The following NEMP2 variants were observed in gnomAD, a reference collection of about 807,000 sequenced individuals.
NEMP2 encodes the protein nuclear envelope integral membrane protein 2.
NEMP2 carries 53 observed loss-of-function variants against 54.2 expected under a neutral mutation model. That is an observed-to-expected ratio of 0.98 (90% CI 0.78 to 1.23). NEMP2 has a LOEUF of 1.23. Among genes scored for constraint, NEMP2 ranks in the 50% most tolerant of loss-of-function variants. The pLI is 0.00. For synonymous variants in NEMP2, 197 were observed against 190.3 expected, an observed-to-expected ratio of 1.04 and a Z score of -0.29; for missense variants, 455 against 511.3, an observed-to-expected ratio of 0.89 and a Z score of 1.06.
At chr2:190,499,980 C>G, downstream of NEMP2, 2 of 1,610,684 alleles carry the variant, frequency 1.2e-6, no homozygotes, top group South Asian at 2.2e-5. The surrounding 1 kb of genome is among the most constrained non-coding windows in gnomAD (Gnocchi z 6.0). Context: ...TTTGCTATCA[C>G]TGATCATGGG....
chr2:190,586,772 T>G, the NEMP2 span, among the ~76,000 whole-genome samples: 1 of 152,064 alleles, frequency 6.6e-6, no homozygotes, highest in African/African-American at 2.4e-5. This position sits in a 1 kb window ranked among gnomAD's most constrained non-coding sequence, Gnocchi z 4.5. Context: ...TTAGAAAAAA[T>G]TTTAAACACA....
chr2:190,582,972 T>C, the NEMP2 span, among the ~76,000 whole-genome samples: 1 of 152,206 alleles, frequency 6.6e-6, no homozygotes, highest in Admixed American at 6.5e-5. The surrounding 1 kb of genome is among the most constrained non-coding windows in gnomAD (Gnocchi z 4.6). Context: ...TGTTATTTAA[T>C]GGACCAAGTT....
In NEMP2 at chr2:190,527,186, TCCTGAAAAA is replaced by T. The variant is rs1170732184; in HGVS notation, c.98-1817_98-1809del. The stretch of plus-strand genomic sequence containing the variant: ...TAAGGAAAGTGTGGTCAGTTGTTCC[TCCTGAAAAA>T]CCTGAAATGAAGCTAGAACAACTTG... On this transcript the variant is annotated intron_variant, in intron 1 of 8. Coordinates refer to ENST00000409150, the MANE Select transcript of NEMP2 (RefSeq NM_001142645.2). The surrounding 1 kb of genome is among the most constrained non-coding windows in gnomAD (Gnocchi z 4.0). 1.3e-5 allele frequency among the ~76,000 whole-genome samples: 2 copies of T among 152,152 alleles called. No homozygotes were observed. The highest frequency in any genetic ancestry group is 2.9e-5 in the Non-Finnish European group (2 of 68,014).
At chr2:190,583,544 A>T in the NEMP2 span, among the ~76,000 whole-genome samples, 1 of 152,202 alleles carries the variant, frequency 6.6e-6, no homozygotes, top group African/African-American at 2.4e-5. Flanking sequence ...AAAGTATCAC[A>T]TATTCATTTG....
chr2:190,436,123 G>A, the NEMP2 span: 1 of 1,614,180 alleles, frequency 6.2e-7, no homozygotes, highest in Admixed American at 1.7e-5. The surrounding 1 kb of genome is among the most constrained non-coding windows in gnomAD (Gnocchi z 5.3). Context: ...TATTTCCAGG[G>A]AACCAGAACC....
the NEMP2 span, among the ~76,000 whole-genome samples, chr2:190,582,823 A>G: frequency 1.7e-4 from 26 of 152,174 alleles, no homozygotes; most frequent in Admixed American, 6.6e-4. The surrounding 1 kb of genome is among the most constrained non-coding windows in gnomAD (Gnocchi z 4.6). Context: ...TCATATGAAG[A>G]TGTTCGTGGA....
Position 190,530,699 on chromosome 2 carries a change from C to G in NEMP2, c.97+3860G>C, listed in dbSNP as rs145306635. Among the ~76,000 whole-genome samples the G allele has an allele frequency of 5.8e-3, 878 of 152,316 alleles. 13 individuals are homozygous for G. The highest frequency in any genetic ancestry group is 0.02 in the African/African-American group (850 of 41,558). On this transcript the variant is annotated intron_variant, in intron 1 of 8. Coordinates refer to ENST00000409150, the MANE Select transcript of NEMP2 (RefSeq NM_001142645.2). The surrounding 1 kb of genome is among the most constrained non-coding windows in gnomAD (Gnocchi z 4.6). ...TGTCCAATGGAAACAGGAAACAGAG[C>G]CAGTTTGACTGCTTATTTGAACTCT...
chr2:190,475,616 C>T, the NEMP2 span, among the ~76,000 whole-genome samples: 14 of 152,070 alleles, frequency 9.2e-5, no homozygotes, highest in Admixed American at 2.0e-4. Flanking sequence ...GAATCAATAT[C>T]GTGAAAATGG....
the NEMP2 span, chr2:190,625,302 T>C: frequency 6.6e-6 from 1 of 152,216 alleles, no homozygotes; most frequent in Non-Finnish European, 1.5e-5. Flanking sequence ...GAAAGTATTA[T>C]ACTGAATGAA....
chr2:190,584,932 AAAGAAAGAAAGAAAGAAAG>A, the NEMP2 span, among the ~76,000 whole-genome samples: 1 of 150,364 alleles, frequency 6.7e-6, no homozygotes, highest in Non-Finnish European at 1.5e-5. This position sits in a 1 kb window ranked among gnomAD's most constrained non-coding sequence, Gnocchi z 4.2. Flanking sequence ...AGAAAGAAAG[AAAGAAAGAAAGAAAGAAAG>A]AAAGAAAGAA....
the NEMP2 span, among the ~76,000 whole-genome samples, chr2:190,498,275 G>T: frequency 6.6e-6 from 1 of 152,282 alleles, no homozygotes; most frequent in Non-Finnish European, 1.5e-5. This position sits in a 1 kb window ranked among gnomAD's most constrained non-coding sequence, Gnocchi z 5.9. Context: ...GTGGATAATT[G>T]TACAGGTGTA....
At chr2:190,434,569 G>A in the NEMP2 span, among the ~76,000 whole-genome samples, 1 of 152,146 alleles carries the variant, frequency 6.6e-6, no homozygotes, top group Admixed American at 6.5e-5. This position sits in a 1 kb window ranked among gnomAD's most constrained non-coding sequence, Gnocchi z 4.3. Flanking sequence ...CCAAGTAGCT[G>A]GGACTACATG....
At chr2:190,640,554 C>G in the NEMP2 span, among the ~76,000 whole-genome samples, 8 of 152,096 alleles carry the variant, frequency 5.3e-5, no homozygotes, top group Non-Finnish European at 1.0e-4. Flanking sequence ...TAAGCTGAGT[C>G]ATGATGTATA....
At chr2:190,622,393 CA>C in the NEMP2 span, among the ~76,000 whole-genome samples, 1 of 147,816 alleles carries the variant, frequency 6.8e-6, no homozygotes, top group East Asian at 2.0e-4. Flanking sequence ...GGGTGACAGA[CA>C]AAAACCAAGG....
At chr2:190,641,786 C>G in the NEMP2 span, among the ~76,000 whole-genome samples, 1 of 152,056 alleles carries the variant, frequency 6.6e-6, no homozygotes, top group African/African-American at 2.4e-5. Flanking sequence ...ACAGTGGATG[C>G]TGGGAGAAAA....
the NEMP2 span, among the ~76,000 whole-genome samples, chr2:190,467,614 A>G: frequency 6.6e-6 from 1 of 152,210 alleles, no homozygotes; most frequent in Non-Finnish European, 1.5e-5. This position sits in a 1 kb window ranked among gnomAD's most constrained non-coding sequence, Gnocchi z 5.5. Context: ...CTCTGTCTCA[A>G]AAAAAGAAAA....
rs1445809860 is a variant in NEMP2 at position 190,510,001 on chromosome 2, A to G, written c.1130+360T>C. On this transcript the variant is annotated intron_variant, in intron 8 of 8. Transcript: ENST00000409150. This position sits in a 1 kb window ranked among gnomAD's most constrained non-coding sequence, Gnocchi z 5.7. Reference sequence around the variant, plus strand: ...GGTTGCAATGAGCTGAGATTGCACCATTGCACTCCAGCCTGGGTGACAGAG... The same window carrying G: ...GGTTGCAATGAGCTGAGATTGCACCGTTGCACTCCAGCCTGGGTGACAGAG... Among the ~76,000 whole-genome samples, 1 of 152,254 alleles carries G rather than the reference A, an allele frequency of 6.6e-6. No homozygotes were observed. The highest frequency in any genetic ancestry group is 1.5e-5 in the Non-Finnish European group (1 of 68,044).
At chr2:190,476,306 C>G in the NEMP2 span, among the ~76,000 whole-genome samples, 1 of 152,086 alleles carries the variant, frequency 6.6e-6, no homozygotes, top group East Asian at 1.9e-4. Flanking sequence ...GCAATCTACT[C>G]ATCTGACAAA....
the NEMP2 span, among the ~76,000 whole-genome samples, chr2:190,552,341 T>C: frequency 6.6e-6 from 1 of 152,220 alleles, no homozygotes; most frequent in Non-Finnish European, 1.5e-5. Flanking sequence ...GTTTTTTATT[T>C]TGTTAAGTAG....
Sources: gnomAD v4.1 joint callset for allele counts (sites outside exome capture counted in the v4.1 genomes callset) on GRCh38, gnomAD v4.1.1 for gene constraint, Gnocchi (gnomAD v3.1) non-coding constraint, MANE v1.5 for transcripts, NCBI Gene and HGNC (gene_info 2026-07-23, HGNC 2026-07-21) for gene names.